Variants in MAPK10 observed in about 807,000 individuals in gnomAD.
MAPK10 encodes mitogen-activated protein kinase 10.
Under a neutral mutation model 59.3 loss-of-function variants are expected in MAPK10, and 25 were observed. The observed-to-expected ratio is 0.42, with a 90% CI of 0.31 to 0.59. The LOEUF is 0.59. MAPK10 is among the 20% of genes least tolerant of loss of function. MAPK10 has a pLI of 0.15. For missense variants in MAPK10, 351 were observed against 568.9 expected, an observed-to-expected ratio of 0.62 and a Z score of 3.90; for synonymous variants, 190 against 200.5, an observed-to-expected ratio of 0.95 and a Z score of 0.44.
At chr4:86,266,580 G>A (rs982636813) in intron 2 of MAPK10, among the ~76,000 whole-genome samples, 1 of 151,780 alleles carries the variant, frequency 6.6e-6, no homozygotes, top group Non-Finnish European at 1.5e-5. Context: ...AGTAGCAATT[G>A]GTACACATCA....
At chr4:86,137,460 GA>G (rs1318218319) in intron 4 of MAPK10, among the ~76,000 whole-genome samples, 4 of 134,992 alleles carry the variant, frequency 3.0e-5, no homozygotes, top group African/African-American at 1.2e-4. Flanking sequence ...AATGAAGGCA[GA>G]AATAAAGATG....
intron 1 of MAPK10, among the ~76,000 whole-genome samples, chr4:86,507,669 TATAA>T (rs1755898876): frequency 9.5e-6 from 1 of 105,042 alleles, no homozygotes; most frequent in Non-Finnish European, 1.9e-5. Flanking sequence ...TATATATATA[TATAA>T]AATCATGTGT....
At chr4:86,260,298 A>G (rs2093936066) in intron 2 of MAPK10, among the ~76,000 whole-genome samples, 1 of 152,146 alleles carries the variant, frequency 6.6e-6, no homozygotes, top group Non-Finnish European at 1.5e-5. Context: ...ATAGGGTTTT[A>G]ATTAAAATAG....
intron 1 of MAPK10, among the ~76,000 whole-genome samples, chr4:86,486,560 T>C (rs1286219896): frequency 6.6e-6 from 1 of 152,170 alleles, no homozygotes; most frequent in Non-Finnish European, 1.5e-5. Flanking sequence ...AGAAAATGAA[T>C]AATGTGATTA....
intron 1 of MAPK10, among the ~76,000 whole-genome samples, chr4:86,493,315 A>G (rs931160125): frequency 6.6e-6 from 1 of 152,186 alleles, no homozygotes; most frequent in African/African-American, 2.4e-5. Context: ...TTCTTTTATC[A>G]GGGGTGTCCT....
intron 9 of MAPK10, among the ~76,000 whole-genome samples, chr4:86,085,796 T>G (rs1452858547): frequency 2.0e-5 from 3 of 152,198 alleles, no homozygotes; most frequent in Admixed American, 2.0e-4. Context: ...TGCACTGCCG[T>G]GTTTGTTGCA....
At chr4:86,045,783 C>G (rs1046798101) in intron 11 of MAPK10, among the ~76,000 whole-genome samples, 1 of 151,662 alleles carries the variant, frequency 6.6e-6, no homozygotes, top group Admixed American at 6.6e-5. Context: ...TCTCCACCCT[C>G]TCTTGACCCT....
chr4:86,079,009 A>G (rs2050106548), intron 9 of MAPK10, among the ~76,000 whole-genome samples: 1 of 151,946 alleles, frequency 6.6e-6, no homozygotes, highest in African/African-American at 2.4e-5. Flanking sequence ...CAAAAAAAGA[A>G]AAAGAAAAAT....
intron 11 of MAPK10, among the ~76,000 whole-genome samples, chr4:86,052,875 G>C (rs528184391): frequency 6.6e-5 from 10 of 152,080 alleles, no homozygotes; most frequent in African/African-American, 2.4e-4. Context: ...TAGTAGAGAC[G>C]GGATTTCGCT....
intron 11 of MAPK10, among the ~76,000 whole-genome samples, chr4:86,041,513 G>A (rs2041518422): frequency 6.6e-6 from 1 of 152,124 alleles, no homozygotes; most frequent in Non-Finnish European, 1.5e-5. Flanking sequence ...CTTCTGCACA[G>A]CAAAAGAAAC....
chr4:86,094,608 T>C (rs1242815904), intron 9 of MAPK10, among the ~76,000 whole-genome samples: 1 of 151,898 alleles, frequency 6.6e-6, no homozygotes, highest in East Asian at 1.9e-4. Flanking sequence ...AAAGGACTCA[T>C]GAAAATTATA....
At chr4:86,386,143 G>A (rs1039759451) in intron 1 of MAPK10, among the ~76,000 whole-genome samples, 1 of 152,110 alleles carries the variant, frequency 6.6e-6, no homozygotes, top group Admixed American at 6.6e-5. Flanking sequence ...GAGGGAAATG[G>A]GGGGGAATCA....
rs879369313 is a variant in MAPK10, at chr4:86,139,414, G to C, written c.236+19884C>G. ...ACTATCTGATCTTTGACAAACCTGA[G>C]AAAAACAAGCAATGGGGAAAGGATT... On this transcript the variant is annotated intron_variant, in intron 4 of 13. Transcript: ENST00000641462. 7.2e-3 allele frequency among the ~76,000 whole-genome samples: 1,077 copies of C among 149,930 alleles called. 10 individuals are homozygous for C. Among genetic ancestry groups the C allele is most frequent in the Non-Finnish European group, 7.4e-3 (496 of 67,000 alleles).
At chr4:86,220,140 A>G (rs899845168) in intron 2 of MAPK10, among the ~76,000 whole-genome samples, 19 of 152,210 alleles carry the variant, frequency 1.2e-4, no homozygotes, top group African/African-American at 2.4e-4. Flanking sequence ...GCATCTTAAT[A>G]TGGCCCAAAA....
At chr4:86,039,862 A>G (rs1228683794) in intron 11 of MAPK10, among the ~76,000 whole-genome samples, 1 of 152,162 alleles carries the variant, frequency 6.6e-6, no homozygotes, top group South Asian at 2.1e-4. Context: ...TTGTGGATCT[A>G]GACTTAGGCC....
At chr4:86,174,952 GCCT>G (rs2075336084) in intron 3 of MAPK10, among the ~76,000 whole-genome samples, 1 of 151,854 alleles carries the variant, frequency 6.6e-6, no homozygotes, top group Non-Finnish European at 1.5e-5. Context: ...CAAGTTATGG[GCCT>G]CATTATCACA....
intron 2 of MAPK10, among the ~76,000 whole-genome samples, chr4:86,205,778 CA>C (rs1241713473): frequency 3.3e-5 from 5 of 151,798 alleles, no homozygotes; most frequent in African/African-American, 1.2e-4. Flanking sequence ...ATGGTTAAAA[CA>C]CACACATATA....
At chr4:86,139,939 T>A (rs1322960041) in intron 4 of MAPK10, among the ~76,000 whole-genome samples, 3 of 147,116 alleles carry the variant, frequency 2.0e-5, no homozygotes, top group Non-Finnish European at 4.5e-5. Context: ...AAAATGCTCA[T>A]CATCACTGGC....
chr4:86,578,123 G>A (rs2149111011), intron 1 of MAPK10, among the ~76,000 whole-genome samples: 1 of 152,162 alleles, frequency 6.6e-6, no homozygotes, highest in African/African-American at 2.4e-5. Context: ...TTCAACTGGG[G>A]GTGATGTTGC....
Sources: allele counts gnomAD v4.1 joint callset (sites outside exome capture counted in the v4.1 genomes callset), GRCh38; gene constraint gnomAD v4.1.1; transcripts MANE v1.5; gene names NCBI Gene and HGNC (gene_info 2026-07-23, HGNC 2026-07-21).